Variants in TENM4 observed in about 807,000 individuals in gnomAD.
TENM4 encodes teneurin transmembrane protein 4.
In TENM4, 82 loss-of-function variants were observed where a neutral mutation model predicts 243.3. The ratio of observed to expected loss-of-function variants is 0.34; its 90% CI spans 0.28 to 0.40. The LOEUF is 0.40. Among genes scored for constraint, TENM4 ranks in the 10% least tolerant of loss-of-function variants. TENM4 has a pLI of 1.00. For synonymous variants in TENM4, 1,412 were observed against 1,456.3 expected (o/e 0.97, Z 0.69); for missense variants, 3,138 against 3,673.3 (o/e 0.85, Z 3.77).
intron 6 of TENM4, among the ~76,000 whole-genome samples, chr11:78,993,975 TA>T (rs796902477): frequency 4.5e-4 from 69 of 152,310 alleles, no homozygotes; most frequent in African/African-American, 1.6e-3. Flanking sequence ...TTGTCTTCCC[TA>T]AAAAAATGTT....
chr11:79,174,380 T>C (rs1280383098), intron 3 of TENM4, among the ~76,000 whole-genome samples: 1 of 152,160 alleles, frequency 6.6e-6, no homozygotes, highest in East Asian at 1.9e-4. Context: ...TTTGATTTTG[T>C]TTCCTCACTA....
At chr11:78,704,182 T>C (rs1859186479) in intron 27 of TENM4, among the ~76,000 whole-genome samples, 1 of 143,838 alleles carries the variant, frequency 7.0e-6, no homozygotes, top group East Asian at 2.0e-4. Flanking sequence ...TATATATATA[T>C]ATATATATAT....
At chr11:79,021,864 T>G (rs1238724218) in intron 6 of TENM4, 1 of 152,184 alleles carries the variant, frequency 6.6e-6, no homozygotes, top group Non-Finnish European at 1.5e-5. Context: ...TGCCATGACT[T>G]CAGCATACTG....
intron 3 of TENM4, among the ~76,000 whole-genome samples, chr11:79,176,301 A>G (rs1863158056): frequency 6.6e-6 from 1 of 152,164 alleles, no homozygotes; most frequent in South Asian, 2.1e-4. Flanking sequence ...TCCTTGGGCC[A>G]TCTTCTACAC....
intron 17 of TENM4, among the ~76,000 whole-genome samples, 200 bp downstream of exon 17, chr11:78,778,402 C>T (rs558571675): frequency 1.8e-4 from 28 of 152,236 alleles, no homozygotes; most frequent in African/African-American, 6.5e-4. Flanking sequence ...GAATGACACT[C>T]CAGGTATATC....
At chr11:78,802,318 G>A (rs1236173440) in intron 15 of TENM4, among the ~76,000 whole-genome samples, 3 of 152,244 alleles carry the variant, frequency 2.0e-5, no homozygotes, top group Non-Finnish European at 2.9e-5. Context: ...ATAACCCGCT[G>A]AGGCAGGTAC....
chr11:78,757,001 C>T lies in TENM4; in HGVS notation c.2560G>A (p.Asp854Asn). 6.2e-7 allele frequency: 1 copy of T among 1,613,816 alleles called. No homozygotes were observed. The highest frequency in any genetic ancestry group is 8.5e-7 in the Non-Finnish European group (1 of 1,179,860). The stretch of plus-strand genomic sequence containing the variant: ...AGGGGCTGGAGGCAGCAGTCAGGGT[C>T]CATGCAGTCCACCAGGCCATCTGCA... The part of the protein sequence containing the change: ...NDGDGLVDCM[D>N]PDCCLQPLCH... The change falls in exon 19 of 34, where the codon GAC becomes AAC. Residue 854 changes from aspartate to asparagine, a missense_variant. By Grantham distance (23) the Asp-to-Asn change is conservative. Around this residue, in one of 2 missense-constraint regions of TENM4, gnomAD observed 2,467 missense variants for 3,059.1 expected, o/e 0.81. Coordinates refer to ENST00000278550, the MANE Select transcript of TENM4 (RefSeq NM_001098816.3).
chr11:79,389,948 T>C (rs1308092063), intron 1 of TENM4, among the ~76,000 whole-genome samples: 1 of 152,210 alleles, frequency 6.6e-6, no homozygotes, highest in African/African-American at 2.4e-5. Context: ...GTTTGCTGAC[T>C]CCTGCTATAG....
In TENM4 at chr11:78,931,378, C is replaced by T. The variant is rs540530436; in HGVS notation, c.494-27855G>A. Among the ~76,000 whole-genome samples the T allele has an allele frequency of 2.0e-5, 3 of 152,190 alleles. No homozygotes were observed. The South Asian group carries it at 6.2e-4, about 32-fold the overall frequency. On this transcript the variant is annotated intron_variant, in intron 6 of 33. Coordinates refer to ENST00000278550, the MANE Select transcript of TENM4 (RefSeq NM_001098816.3). The stretch of plus-strand genomic sequence containing the variant: ...TCAGCAAGAAGGGAGTTGGCTGGGC[C>T]CTGCGGTTTGTCTGACTCTAAAATA...
chr11:78,722,977 G>T, intron 23 of TENM4, 60 bp from the exon 24 acceptor site: 2 of 1,591,368 alleles, frequency 1.3e-6, no homozygotes, highest in Admixed American at 3.4e-5. Context: ...TTTTCCTGTG[G>T]TTGACCACAG....
intron 20 of TENM4, among the ~76,000 whole-genome samples, chr11:78,733,190 T>C (rs552101912): frequency 6.6e-6 from 1 of 152,362 alleles, no homozygotes; most frequent in South Asian, 2.1e-4. Flanking sequence ...ATGGCTCAAT[T>C]AGAAACACAG....
intron 1 of TENM4, among the ~76,000 whole-genome samples, chr11:79,362,800 G>A (rs1167091884): frequency 6.6e-6 from 1 of 152,248 alleles, no homozygotes; most frequent in African/African-American, 2.4e-5. Flanking sequence ...TACCATGGGA[G>A]TGTTGGAGGA....
rs935183688 is a variant in TENM4, at chr11:78,653,391, C to A, written c.*4667G>T. The A allele has an allele frequency of 1.2e-4, 19 of 152,058 alleles. No homozygotes were observed. The highest frequency in any genetic ancestry group is 9.2e-4 in the Admixed American group (14 of 15,258). The allele number at this position is 152,058 out of a possible 1,614,324, so 9.4% of individuals were successfully genotyped here. Reference sequence around the variant, plus strand: ...AGGTATCTACATCTGCATTTATTTACAGCCTTGTTGGTATTTACACAGTCA... The same window carrying A: ...AGGTATCTACATCTGCATTTATTTAAAGCCTTGTTGGTATTTACACAGTCA... On this transcript the variant is annotated 3_prime_UTR_variant, in exon 34 of 34. Coordinates refer to ENST00000278550, the MANE Select transcript of TENM4 (RefSeq NM_001098816.3).
At chr11:79,053,777 G>A (rs1444579462) in intron 6 of TENM4, among the ~76,000 whole-genome samples, 1 of 152,128 alleles carries the variant, frequency 6.6e-6, no homozygotes, top group Non-Finnish European at 1.5e-5. Flanking sequence ...TGCCTCCTGG[G>A]CTTCATGTAT....
chr11:79,050,132 T>C (rs1859759040), intron 6 of TENM4, among the ~76,000 whole-genome samples: 1 of 152,238 alleles, frequency 6.6e-6, no homozygotes, highest in Non-Finnish European at 1.5e-5. Flanking sequence ...GATGATGTCA[T>C]GACTTATGAA....
chr11:78,914,998 T>C lies in TENM4; in HGVS notation c.494-11475A>G, dbSNP rs182618075. Reference sequence around the variant, plus strand: ...TATGTTGCTTCCCTGATTGAAAGCATTTTTGTGGCTCCCCACTGCCTACAG... The same window carrying C: ...TATGTTGCTTCCCTGATTGAAAGCACTTTTGTGGCTCCCCACTGCCTACAG... On this transcript the variant is annotated intron_variant, in intron 6 of 33. Transcript: ENST00000278550. Among the ~76,000 whole-genome samples the C allele has an allele frequency of 9.8e-5, 15 of 152,288 alleles. No homozygotes were observed. In the East Asian group the frequency reaches 2.7e-3, roughly 27 times the overall value.
intron 26 of TENM4, among the ~76,000 whole-genome samples, chr11:78,709,072 ATTC>A (rs1442573393): frequency 6.7e-6 from 1 of 149,168 alleles, no homozygotes; most frequent in African/African-American, 2.5e-5. Context: ...GGTTCAAGCA[ATTC>A]TTCTGCCTTA....
At chr11:78,865,457 T>A (rs1365923834) in intron 9 of TENM4, among the ~76,000 whole-genome samples, 1 of 152,046 alleles carries the variant, frequency 6.6e-6, no homozygotes, top group East Asian at 1.9e-4. Flanking sequence ...TACAAAGACA[T>A]CCCCCTTTTG....
chr11:78,967,255 C>T (rs1857456466), intron 6 of TENM4, among the ~76,000 whole-genome samples: 3 of 152,132 alleles, frequency 2.0e-5, no homozygotes, highest in South Asian at 4.1e-4. Flanking sequence ...CTTGCCATTA[C>T]CATATGTGCC....
Sources: allele counts gnomAD v4.1 joint callset (sites outside exome capture counted in the v4.1 genomes callset), GRCh38; gene constraint gnomAD v4.1.1; regional missense constraint gnomAD v4.1.1; transcripts MANE v1.5; gene names NCBI Gene and HGNC (gene_info 2026-07-23, HGNC 2026-07-21).